ITPR1: variants seen among roughly 807,000 people sequenced by gnomAD.
ITPR1 encodes inositol 1,4,5-trisphosphate receptor type 1, also known as inositol 1,4,5-trisphosphate-gated calcium channel ITPR1.
ITPR1 carries 96 observed loss-of-function variants against 318.4 expected under a neutral mutation model. The observed-to-expected ratio is 0.30, with a 90% CI of 0.26 to 0.36. The LOEUF (loss-of-function observed/expected upper bound fraction) is 0.36, where lower values mean the gene tolerates loss of function less well. ITPR1 is among the 10% of genes least tolerant of loss of function. ITPR1 has a pLI of 1.00. For missense variants in ITPR1, 2,440 were observed against 3,460.2 expected (o/e 0.71, Z 7.40); for synonymous variants, 1,312 against 1,289.9 (o/e 1.02, Z -0.37).
intron 44 of ITPR1, among the ~76,000 whole-genome samples, 155 bp from the exon 45 acceptor site, chr3:4,766,375 T>C (rs932497689): frequency 1.1e-4 from 16 of 152,340 alleles, no homozygotes; most frequent in Non-Finnish European, 1.8e-4. Flanking sequence ...CCCAGAGAAC[T>C]ACAGTGTGTG....
At chr3:4,755,381 TG>T (rs2044885123) in intron 44 of ITPR1, among the ~76,000 whole-genome samples, 1 of 147,276 alleles carries the variant, frequency 6.8e-6, no homozygotes, top group Non-Finnish European at 1.5e-5. Context: ...AGAAGAAAGG[TG>T]TTTTTTCCCC....
intron 57 of ITPR1, among the ~76,000 whole-genome samples, chr3:4,813,922 G>T (rs2049104891): frequency 6.6e-6 from 1 of 152,190 alleles, no homozygotes; most frequent in African/African-American, 2.4e-5. Flanking sequence ...ACACAGCAAG[G>T]CATGGCTCTT....
At chr3:4,568,252 G>C (rs1177122016) in intron 4 of ITPR1, among the ~76,000 whole-genome samples, 1 of 152,180 alleles carries the variant, frequency 6.6e-6, no homozygotes, top group Non-Finnish European at 1.5e-5. Context: ...CTGAGACAAA[G>C]TAAAAACTAG....
intron 23 of ITPR1, among the ~76,000 whole-genome samples, chr3:4,675,650 A>G (rs2094169275): frequency 6.6e-6 from 1 of 152,022 alleles, no homozygotes; most frequent in Non-Finnish European, 1.5e-5. Flanking sequence ...CTTGATAATA[A>G]TATTTGTTTA....
At chr3:4,758,645 A>C (rs1055884141) in intron 44 of ITPR1, among the ~76,000 whole-genome samples, 2 of 152,226 alleles carry the variant, frequency 1.3e-5, no homozygotes, top group Admixed American at 1.3e-4. Flanking sequence ...TTGTTTACAC[A>C]GTTTGATTAG....
chr3:4,740,105 CT>C (rs2043591712), intron 44 of ITPR1, among the ~76,000 whole-genome samples: 1 of 152,208 alleles, frequency 6.6e-6, no homozygotes, highest in Non-Finnish European at 1.5e-5. Context: ...GGGAGAAAAA[CT>C]CCACCTCTTA....
intron 11 of ITPR1, among the ~76,000 whole-genome samples, chr3:4,653,181 C>G (rs969918722): frequency 6.6e-6 from 1 of 152,126 alleles, no homozygotes; most frequent in Non-Finnish European, 1.5e-5. Flanking sequence ...CAAAAGACCC[C>G]CACTGTTGTC....
At chr3:4,542,427 T>A (rs950545405) in intron 4 of ITPR1, among the ~76,000 whole-genome samples, 8 of 152,236 alleles carry the variant, frequency 5.3e-5, no homozygotes, top group Admixed American at 1.3e-4. Flanking sequence ...CAAGACTATT[T>A]AAATCAAATT....
chr3:4,594,421 G>C (rs534780082), intron 4 of ITPR1, among the ~76,000 whole-genome samples: 26 of 152,080 alleles, frequency 1.7e-4, no homozygotes, highest in Admixed American at 3.9e-4. Flanking sequence ...CTTGTTCCAG[G>C]GTCCCCTGAA....
chr3:4,732,426 C>T (rs1019131857), intron 42 of ITPR1, among the ~76,000 whole-genome samples: 2 of 152,154 alleles, frequency 1.3e-5, no homozygotes, highest in Admixed American at 6.5e-5. Context: ...GCTGCTTCCC[C>T]TTCTCTCCTG....
chr3:4,513,357 C>G (rs909465498), intron 2 of ITPR1, among the ~76,000 whole-genome samples: 3 of 152,228 alleles, frequency 2.0e-5, no homozygotes, highest in African/African-American at 7.2e-5. Flanking sequence ...CGGAGGAGAT[C>G]TCCAGAGGTT....
intron 44 of ITPR1, among the ~76,000 whole-genome samples, chr3:4,766,085 A>G (rs778284359): frequency 7.9e-5 from 12 of 152,214 alleles, no homozygotes; most frequent in Non-Finnish European, 1.3e-4. Flanking sequence ...CAAAGGCAGC[A>G]TATCTTATTC....
chr3:4,537,874 G>A (rs1407153669), intron 4 of ITPR1, among the ~76,000 whole-genome samples: 1 of 152,178 alleles, frequency 6.6e-6, no homozygotes, highest in Non-Finnish European at 1.5e-5. Context: ...TAAGAATACA[G>A]TAGTAATTGT....
intron 40 of ITPR1, among the ~76,000 whole-genome samples, chr3:4,719,734 A>C (rs1374881607): frequency 6.6e-6 from 1 of 152,218 alleles, no homozygotes; most frequent in African/African-American, 2.4e-5. Context: ...GGGTGAAATG[A>C]GGACACAGGT....
At chr3:4,649,534 C>T (rs1375163872) in intron 10 of ITPR1, among the ~76,000 whole-genome samples, 3 of 152,188 alleles carry the variant, frequency 2.0e-5, no homozygotes, top group African/African-American at 4.8e-5. Context: ...CATTCTCCTG[C>T]GCTTGGTAGC....
chr3:4,498,025 G>T (rs2080731500), intron 2 of ITPR1, among the ~76,000 whole-genome samples: 1 of 152,168 alleles, frequency 6.6e-6, no homozygotes, highest in South Asian at 2.1e-4. Flanking sequence ...GTAGAATGGG[G>T]ATTGCTGGGG....
At chr3:4,718,529 C>T (rs972908083) in intron 40 of ITPR1, among the ~76,000 whole-genome samples, 9 of 152,198 alleles carry the variant, frequency 5.9e-5, no homozygotes, top group African/African-American at 2.2e-4. Context: ...GAATTTGGCA[C>T]AGTTGCCTCC....
intron 26 of ITPR1, 121 bp from the exon 27 acceptor site, chr3:4,683,265 A>G: frequency 1.1e-6 from 1 of 916,416 alleles, no homozygotes; most frequent in Admixed American, 1.8e-5. Flanking sequence ...GAAAAGTGAA[A>G]TTGCATGTCT....
chr3:4,738,536 A>G (rs2043449598), intron 44 of ITPR1, among the ~76,000 whole-genome samples: 1 of 152,212 alleles, frequency 6.6e-6, no homozygotes, highest in South Asian at 2.1e-4. Context: ...AGGTGCACAA[A>G]GGCACCATTA....
Sources: gnomAD v4.1 joint callset for allele counts (sites outside exome capture counted in the v4.1 genomes callset) on GRCh38, gnomAD v4.1.1 for gene constraint, MANE v1.5 for transcripts, NCBI Gene and HGNC (gene_info 2026-07-23, HGNC 2026-07-21) for gene names.